The following ZMYND11 variants were observed in gnomAD, a reference collection of about 807,000 sequenced individuals.
ZMYND11 encodes the protein zinc finger MYND-type containing 11, also known as zinc finger MYND domain-containing protein 11.
Under a neutral mutation model 84.9 loss-of-function variants are expected in ZMYND11, and 9 were observed. The ratio of observed to expected loss-of-function variants is 0.11; its 90% confidence interval spans 0.06 to 0.18. The LOEUF is 0.18. ZMYND11 is among the 10% of genes least tolerant of loss of function. The pLI is 1.00. For synonymous variants in ZMYND11, 250 were observed against 244.1 expected, an observed-to-expected ratio of 1.02 and a Z score of -0.23; for missense variants, 409 against 761.0, an observed-to-expected ratio of 0.54 and a Z score of 5.44.
chr10:223,841 T>G (rs1305477713), intron 4 of ZMYND11, among the ~76,000 whole-genome samples: 1 of 152,142 alleles, frequency 6.6e-6, no homozygotes, highest in African/African-American at 2.4e-5. Context: ...GTAAAGCCGT[T>G]TTTTAGGAGA....
intron 2 of ZMYND11, among the ~76,000 whole-genome samples, chr10:187,587 T>C (rs1231532772): frequency 6.6e-6 from 1 of 151,512 alleles, no homozygotes; most frequent in African/African-American, 2.4e-5. Flanking sequence ...TGAGCCGAGA[T>C]TGCGCCACTG....
intron 14 of ZMYND11, among the ~76,000 whole-genome samples, chr10:251,176 G>A (rs1284647049): frequency 6.6e-6 from 1 of 152,162 alleles, no homozygotes; most frequent in African/African-American, 2.4e-5. Flanking sequence ...TATATCCCCA[G>A]AAAGGGAGAA....
At chr10:158,412 C>CTTTT (rs372896551) in intron 1 of ZMYND11, among the ~76,000 whole-genome samples, 8 of 142,480 alleles carry the variant, frequency 5.6e-5, no homozygotes, top group Non-Finnish European at 9.2e-5. Flanking sequence ...TTGTCTTTTC[C>CTTTT]TTTTTTTTTT....
chr10:249,886 A>C (rs1953009738), intron 14 of ZMYND11: 1 of 644,310 alleles, frequency 1.6e-6, no homozygotes, highest in East Asian at 1.4e-4. Context: ...TTTGGCAAGA[A>C]GGAAAATGGA....
At chr10:217,180 T>C (rs1457734914) in intron 3 of ZMYND11, among the ~76,000 whole-genome samples, 1 of 152,170 alleles carries the variant, frequency 6.6e-6, no homozygotes, top group South Asian at 2.1e-4. Context: ...GCAACTCTCT[T>C]TCTGTGCTTC....
intron 1 of ZMYND11, among the ~76,000 whole-genome samples, chr10:143,785 T>G (rs186732635): frequency 3.9e-5 from 6 of 152,366 alleles, no homozygotes; most frequent in African/African-American, 1.4e-4. Context: ...TCTACAGTTA[T>G]AACTTTACGA....
At chr10:181,622 C>A (rs948819379) in intron 2 of ZMYND11, among the ~76,000 whole-genome samples, 4 of 151,836 alleles carry the variant, frequency 2.6e-5, no homozygotes, top group Admixed American at 2.6e-4. Flanking sequence ...TGTCTCACAA[C>A]AAACCAACAA....
intron 2 of ZMYND11, among the ~76,000 whole-genome samples, chr10:183,627 G>A (rs1286494165): frequency 6.6e-6 from 1 of 152,172 alleles, no homozygotes; most frequent in Non-Finnish European, 1.5e-5. Context: ...GGGAAAAGTA[G>A]AATAATTCAT....
upstream of ZMYND11, among the ~76,000 whole-genome samples, chr10:131,775 G>A (rs1277382136): frequency 3.3e-5 from 5 of 151,638 alleles, no homozygotes; most frequent in Non-Finnish European, 7.4e-5. Context: ...TGTACCTCCC[G>A]CCTTGGCCTC....
At chr10:247,526 A>AT in intron 12 of ZMYND11, 60 bp downstream of exon 12, 1 of 1,545,984 alleles carries the variant, frequency 6.5e-7, no homozygotes, top group Non-Finnish European at 8.9e-7. Context: ...TTTTCAAAGT[A>AT]TTTTGTATTT....
chr10:235,617 A>AT (rs1277180950), intron 4 of ZMYND11, among the ~76,000 whole-genome samples: 1 of 152,212 alleles, frequency 6.6e-6, no homozygotes, highest in African/African-American at 2.4e-5. Flanking sequence ...GCCACGTTGT[A>AT]TAAAAGTTTA....
chr10:186,105 G>T (rs1938337229), intron 2 of ZMYND11, among the ~76,000 whole-genome samples: 1 of 151,492 alleles, frequency 6.6e-6, no homozygotes, highest in South Asian at 2.1e-4. Context: ...CGCCTCCCGG[G>T]TTCACACCAT....
chr10:249,327 A>G, intron 14 of ZMYND11: 3 of 1,299,534 alleles, frequency 2.3e-6, no homozygotes, highest in Non-Finnish European at 2.9e-6. Flanking sequence ...ATAATACCTT[A>G]GTACATATTT....
chr10:134,422 G>T (rs1835441400), upstream of ZMYND11: 1 of 152,154 alleles, frequency 6.6e-6, no homozygotes, highest in Non-Finnish European at 1.5e-5. Context: ...TTAAGGGATC[G>T]TCTCTGATTA....
At chr10:150,357 A>G (rs1410648174) in intron 1 of ZMYND11, among the ~76,000 whole-genome samples, 6 of 152,236 alleles carry the variant, frequency 3.9e-5, no homozygotes, top group Non-Finnish European at 5.9e-5. Context: ...GTATGTGTCC[A>G]GGAATTTATC....
At chr10:133,666 C>T (rs1835389281), upstream of ZMYND11, among the ~76,000 whole-genome samples, 1 of 152,128 alleles carries the variant, frequency 6.6e-6, no homozygotes, top group Admixed American at 6.5e-5. Context: ...AAGTAACAGA[C>T]TGTTTAAAAA....
intron 1 of ZMYND11, among the ~76,000 whole-genome samples, chr10:137,529 G>C (rs1564245419): frequency 2.0e-5 from 3 of 152,122 alleles, no homozygotes; most frequent in South Asian, 4.1e-4. Context: ...TAGTAATTAT[G>C]GTGTGCACAA....
At chr10:184,054 G>A (rs758974134) in intron 2 of ZMYND11, among the ~76,000 whole-genome samples, 1 of 152,150 alleles carries the variant, frequency 6.6e-6, no homozygotes, top group Admixed American at 6.5e-5. Flanking sequence ...CACCTCCTGA[G>A]TTCATGCTGA....
At chr10:170,684 G>A (rs1554765483) in intron 1 of ZMYND11, among the ~76,000 whole-genome samples, 1 of 152,076 alleles carries the variant, frequency 6.6e-6, no homozygotes, top group Non-Finnish European at 1.5e-5. Flanking sequence ...AGTAAAGCAA[G>A]AAGTATAATT....
Sources: allele counts gnomAD v4.1 joint callset (sites outside exome capture counted in the v4.1 genomes callset), GRCh38; gene constraint gnomAD v4.1.1; transcripts MANE v1.5; gene names NCBI Gene and HGNC (gene_info 2026-07-23, HGNC 2026-07-21).